The following ASIC2 variants were observed in gnomAD, a reference collection of about 807,000 sequenced individuals.
ASIC2 encodes acid-sensing ion channel 2.
ASIC2 carries 25 observed loss-of-function variants against 57.3 expected under a neutral mutation model. The observed-to-expected ratio is 0.44, with a 90% confidence interval of 0.32 to 0.61. The LOEUF (loss-of-function observed/expected upper bound fraction) is 0.61, where lower values mean the gene tolerates loss of function less well. Among genes scored for constraint, ASIC2 ranks in the 20% least tolerant of loss-of-function variants. The pLI is 0.06. For synonymous variants in ASIC2, 319 were observed against 307.5 expected, an observed-to-expected ratio of 1.04 and a Z score of -0.39; for missense variants, 641 against 738.1, an observed-to-expected ratio of 0.87 and a Z score of 1.52.
chr17:33,729,005 C>A (rs983517769), intron 1 of ASIC2, among the ~76,000 whole-genome samples: 56 of 152,170 alleles, frequency 3.7e-4, no homozygotes, highest in Non-Finnish European at 5.9e-4. Context: ...GATTCAAGTT[C>A]ATTGGTCTCA....
At chr17:34,098,462 G>A (rs951789391) in intron 1 of ASIC2, among the ~76,000 whole-genome samples, 1 of 152,162 alleles carries the variant, frequency 6.6e-6, no homozygotes, top group African/African-American at 2.4e-5. Context: ...AGGGATGGAA[G>A]GTTTTCTAAA....
chr17:34,130,521 G>C (rs913626092), intron 1 of ASIC2, among the ~76,000 whole-genome samples: 2 of 152,216 alleles, frequency 1.3e-5, no homozygotes, highest in African/African-American at 4.8e-5. Flanking sequence ...TGGACACACA[G>C]GGAAAGAGAC....
chr17:33,352,264 C>G (rs1256875411), intron 1 of ASIC2, among the ~76,000 whole-genome samples: 1 of 152,132 alleles, frequency 6.6e-6, no homozygotes, highest in Non-Finnish European at 1.5e-5. Flanking sequence ...CATCCCACTC[C>G]TTCCAGGTCA....
In ASIC2 at chr17:33,293,258, C is replaced by A. The variant is rs1053784377; in HGVS notation, c.-1143G>T. Among the ~76,000 whole-genome samples the A allele has an allele frequency of 4.1e-4, 63 of 152,098 alleles. No individual in the cohort carries two copies. The highest frequency in any genetic ancestry group is 1.4e-3 in the African/African-American group (60 of 41,538). On this transcript the variant is annotated 5_prime_UTR_variant, in exon 1 of 10. Coordinates refer to ENST00000225823, the MANE Select transcript of ASIC2 (RefSeq NM_183377.2). Reference sequence around the variant, plus strand: ...GCGCGACGCTGGCGCGGCTGGGCTCCGAGCACCTGCTCCTCAGCTCGCTGG... The same window carrying A: ...GCGCGACGCTGGCGCGGCTGGGCTCAGAGCACCTGCTCCTCAGCTCGCTGG...
chr17:33,299,562 C>A (rs1905865631), intron 1 of ASIC2, among the ~76,000 whole-genome samples: 2 of 152,064 alleles, frequency 1.3e-5, no homozygotes, highest in South Asian at 4.2e-4. Flanking sequence ...CACGCTTGGC[C>A]TCACCTAATT....
intron 1 of ASIC2, among the ~76,000 whole-genome samples, chr17:33,642,223 CA>C (rs1906594489): frequency 7.8e-6 from 1 of 127,650 alleles, no homozygotes; most frequent in African/African-American, 2.8e-5. Context: ...CCCCCCCCCA[CA>C]CACAATGGTT....
chr17:33,095,255 GC>G (rs1004138138), intron 2 of ASIC2, among the ~76,000 whole-genome samples: 1 of 152,056 alleles, frequency 6.6e-6, no homozygotes, highest in East Asian at 1.9e-4. Flanking sequence ...ATGTAGACTG[GC>G]CCCTCCTCTC....
intron 1 of ASIC2, among the ~76,000 whole-genome samples, chr17:33,743,233 GC>G (rs1169900564): frequency 6.6e-6 from 1 of 152,228 alleles, no homozygotes; most frequent in Non-Finnish European, 1.5e-5. Context: ...AAGGCATACA[GC>G]AAAGATAGAA....
intron 2 of ASIC2, among the ~76,000 whole-genome samples, chr17:33,106,295 C>T (rs1338447755): frequency 6.6e-6 from 1 of 152,120 alleles, no homozygotes; most frequent in Non-Finnish European, 1.5e-5. Context: ...TTTAAAAAAT[C>T]ATTCCTTTGC....
intron 1 of ASIC2, among the ~76,000 whole-genome samples, chr17:33,450,145 G>T (rs958820481): frequency 1.3e-5 from 2 of 152,140 alleles, no homozygotes; most frequent in African/African-American, 4.8e-5. Context: ...AAAACAAAAG[G>T]CTAGTTTAAT....
At chr17:33,939,813 A>G (rs1395632237) in intron 1 of ASIC2, among the ~76,000 whole-genome samples, 1 of 152,210 alleles carries the variant, frequency 6.6e-6, no homozygotes, top group Non-Finnish European at 1.5e-5. Context: ...CTCATGGGAC[A>G]CATGATTTCT....
At chr17:33,432,063 A>G (rs1245958443) in intron 1 of ASIC2, among the ~76,000 whole-genome samples, 1 of 152,212 alleles carries the variant, frequency 6.6e-6, no homozygotes, top group East Asian at 1.9e-4. Flanking sequence ...AAGGATCACA[A>G]GAGTAAATTA....
chr17:34,042,424 T>G (rs1051446766), intron 1 of ASIC2, among the ~76,000 whole-genome samples: 4 of 152,068 alleles, frequency 2.6e-5, no homozygotes, highest in Non-Finnish European at 5.9e-5. Flanking sequence ...CAAAAGTAAT[T>G]ATCCCGAGTA....
intron 1 of ASIC2, among the ~76,000 whole-genome samples, chr17:33,225,847 A>C (rs947041958): frequency 3.3e-5 from 5 of 152,236 alleles, no homozygotes; most frequent in African/African-American, 1.2e-4. Flanking sequence ...AAAGGAGGCC[A>C]TGGAAGAGAC....
intron 1 of ASIC2, among the ~76,000 whole-genome samples, chr17:33,425,733 G>T (rs1899431575): frequency 6.6e-6 from 1 of 152,164 alleles, no homozygotes; most frequent in Non-Finnish European, 1.5e-5. Context: ...AGGCATTTGA[G>T]TCTCCATGGT....
At chr17:34,077,404 GTCATACCC>G (rs896012727) in intron 1 of ASIC2, among the ~76,000 whole-genome samples, 96 of 152,226 alleles carry the variant, frequency 6.3e-4, no homozygotes, top group Non-Finnish European at 2.9e-4. Context: ...GTTTGCCCAC[GTCATACCC>G]TCTCCCTTTG....
intron 1 of ASIC2, among the ~76,000 whole-genome samples, chr17:34,122,189 T>A (rs1911642052): frequency 6.6e-6 from 1 of 152,226 alleles, no homozygotes; most frequent in African/African-American, 2.4e-5. Context: ...ATCATTTCAT[T>A]TCCTTTTCCT....
At chr17:33,816,574 A>G (rs1912588629) in intron 1 of ASIC2, among the ~76,000 whole-genome samples, 1 of 152,092 alleles carries the variant, frequency 6.6e-6, no homozygotes, top group Non-Finnish European at 1.5e-5. Flanking sequence ...TTTCTACCCT[A>G]CCCTGATGCC....
chr17:33,562,651 C>T (rs552663603), intron 1 of ASIC2, among the ~76,000 whole-genome samples: 16 of 152,230 alleles, frequency 1.1e-4, no homozygotes, highest in African/African-American at 2.4e-4. Flanking sequence ...GAAAAAGGAG[C>T]GTCTCAGACC....
Sources: allele counts gnomAD v4.1 joint callset (sites outside exome capture counted in the v4.1 genomes callset), GRCh38; gene constraint gnomAD v4.1.1; transcripts MANE v1.5; gene names NCBI Gene and HGNC (gene_info 2026-07-23, HGNC 2026-07-21).